UNC5D: variants seen among roughly 807,000 people sequenced by gnomAD.
The protein encoded by UNC5D is netrin receptor UNC5D.
A neutral mutation model predicts 105.4 loss-of-function variants in UNC5D; 39 were observed. The observed-to-expected ratio is 0.37, with a 90% CI of 0.29 to 0.48. The LOEUF (loss-of-function observed/expected upper bound fraction) is 0.48, where lower values mean the gene tolerates loss of function less well. UNC5D is among the 20% of genes least tolerant of loss of function. The pLI, the probability that UNC5D is intolerant of heterozygous loss-of-function variation, is 0.98. For missense variants in UNC5D, 991 were observed against 1,202.4 expected, an observed-to-expected ratio of 0.82 and a Z score of 2.60; for synonymous variants, 452 against 450.4, an observed-to-expected ratio of 1.00 and a Z score of -0.04.
chr8:35,308,698 C>T (rs1585550932), intron 1 of UNC5D, among the ~76,000 whole-genome samples: 2 of 152,074 alleles, frequency 1.3e-5, no homozygotes, highest in South Asian at 2.1e-4. Context: ...ACTAGAATTA[C>T]AAACACAGCC....
chr8:35,608,166 G>A (rs2130964237), intron 4 of UNC5D, among the ~76,000 whole-genome samples: 1 of 152,214 alleles, frequency 6.6e-6, no homozygotes, highest in East Asian at 1.9e-4. Flanking sequence ...TCTACCTCTG[G>A]CATCATATCA....
chr8:35,682,564 A>G (rs1314330094), intron 4 of UNC5D, among the ~76,000 whole-genome samples: 1 of 152,212 alleles, frequency 6.6e-6, no homozygotes, highest in Non-Finnish European at 1.5e-5. Flanking sequence ...AAGAGGCACT[A>G]GAGAGTAGAG....
At chr8:35,782,792 C>T (rs1319679412) in intron 16 of UNC5D, among the ~76,000 whole-genome samples, 3 of 151,994 alleles carry the variant, frequency 2.0e-5, no homozygotes, top group African/African-American at 7.2e-5. Flanking sequence ...CGTGAGCCAC[C>T]GCACCTGGCC....
At chr8:35,525,844 A>G in intron 1 of UNC5D, 3 of 1,332,434 alleles carry the variant, frequency 2.3e-6, no homozygotes, top group Non-Finnish European at 3.0e-6. Context: ...CTTCAAAGGC[A>G]TTTAGTCATA....
chr8:35,436,968 T>G (rs1339026281), intron 1 of UNC5D, among the ~76,000 whole-genome samples: 1 of 152,052 alleles, frequency 6.6e-6, no homozygotes, highest in Non-Finnish European at 1.5e-5. Flanking sequence ...TTCAATTTAT[T>G]ACTGTCATTT....
rs1811345207 is a variant in UNC5D at position 35,493,434 on chromosome 8, A to AAATGTTG, written c.104-55857_104-55851dup. 2.0e-5 allele frequency among the ~76,000 whole-genome samples: 3 copies of AAATGTTG among 152,252 alleles called. No homozygotes were observed. The East Asian group carries it at 5.8e-4, about 29-fold the overall frequency. ...AAGTATCTGGGTTGTGTGTGTTATG[A>AAATGTTG]AATGTTGTGTCAAAGTGGGTCTGGA... On this transcript the variant is annotated intron_variant, in intron 1 of 16. Coordinates refer to ENST00000404895, the MANE Select transcript of UNC5D (RefSeq NM_080872.4).
chr8:35,380,088 G>GGA (rs1491287547), intron 1 of UNC5D, among the ~76,000 whole-genome samples: 12 of 2,728 alleles, frequency 4.4e-3, no homozygotes, highest in Non-Finnish European at 0.02. Flanking sequence ...AATTGGGGGT[G>GGA]GGGGGGGGGT....
At chr8:35,691,376 A>C (rs1174242065) in intron 7 of UNC5D, among the ~76,000 whole-genome samples, 2 of 152,108 alleles carry the variant, frequency 1.3e-5, no homozygotes, top group East Asian at 3.9e-4. Flanking sequence ...AGTCCCAGCT[A>C]TTTGGGAGGC....
intron 4 of UNC5D, among the ~76,000 whole-genome samples, chr8:35,602,954 A>G (rs982861897): frequency 2.2e-5 from 3 of 139,400 alleles, no homozygotes; most frequent in Non-Finnish European, 3.0e-5. Context: ...GTTCCCATCT[A>G]TGAGTGAGAA....
intron 4 of UNC5D, among the ~76,000 whole-genome samples, chr8:35,630,757 T>A (rs1439111405): frequency 6.6e-6 from 1 of 152,196 alleles, no homozygotes; most frequent in Non-Finnish European, 1.5e-5. Context: ...GTTACAATGC[T>A]ACCAAAGTTA....
At chr8:35,392,702 C>G (rs1803852912) in intron 1 of UNC5D, among the ~76,000 whole-genome samples, 1 of 152,170 alleles carries the variant, frequency 6.6e-6, no homozygotes, top group African/African-American at 2.4e-5. Flanking sequence ...GTAATACTCA[C>G]AGGTTCTAGG....
intron 1 of UNC5D, chr8:35,544,534 AG>A: frequency 6.2e-7 from 1 of 1,608,808 alleles, no homozygotes; most frequent in Non-Finnish European, 8.5e-7. Context: ...AAACTTCACC[AG>A]GTAAGGCAGG....
chr8:35,341,739 T>C (rs1811469130), intron 1 of UNC5D, among the ~76,000 whole-genome samples: 1 of 152,102 alleles, frequency 6.6e-6, no homozygotes, highest in Admixed American at 6.6e-5. Context: ...ACATATTTTA[T>C]GCCAATGGAA....
chr8:35,782,301 T>G (rs965057479), intron 16 of UNC5D, among the ~76,000 whole-genome samples: 1 of 152,156 alleles, frequency 6.6e-6, no homozygotes. Context: ...TATGGAGGGT[T>G]GGTTTTGGTC....
rs10715369 is a variant in UNC5D at position 35,365,591 on chromosome 8, C to CAAAAAAAAAAAAAAAAAAAAAAAAAAAAA, written c.103+129730_103+129731insAAAAAAAAAAAAAAAAAAAAAAAAAAAAA. ...TCTTAGGCTTTCATGCCATCCCCTG[C>CAAAAAAAAAAAAAAAAAAAAAAAAAAAAA]AAAAAAAAAAAAAAAAAAAAAAAAA... On this transcript the variant is annotated intron_variant, in intron 1 of 16. Coordinates refer to ENST00000404895, the MANE Select transcript of UNC5D (RefSeq NM_080872.4). 3.0e-4 allele frequency among the ~76,000 whole-genome samples: 15 copies of CAAAAAAAAAAAAAAAAAAAAAAAAAAAAA among 49,882 alleles called. 1 individual carries two copies. Among genetic ancestry groups the CAAAAAAAAAAAAAAAAAAAAAAAAAAAAA allele is most frequent in the Non-Finnish European group, 3.4e-4 (10 of 29,114 alleles). 32.7% of individuals were successfully genotyped at this position (49,882 alleles called of 152,430 possible). A position where few individuals can be genotyped will look rare whatever the true frequency, so the allele number is the denominator to read the frequency against.
chr8:35,361,061 A>C (rs1430162183), intron 1 of UNC5D, among the ~76,000 whole-genome samples: 1 of 152,118 alleles, frequency 6.6e-6, no homozygotes, highest in Non-Finnish European at 1.5e-5. Flanking sequence ...GGATGCCAAA[A>C]TGTCTGAAAA....
At chr8:35,587,965 AAT>A (rs57681405) in intron 3 of UNC5D, among the ~76,000 whole-genome samples, 13,650 of 104,988 alleles carry the variant, frequency 0.13, 1,226 homozygotes, top group African/African-American at 0.15. Flanking sequence ...TAACTATAAT[AAT>A]ATATATATAT....
chr8:35,298,508 T>C (rs1204070163), intron 1 of UNC5D, among the ~76,000 whole-genome samples: 1 of 152,006 alleles, frequency 6.6e-6, no homozygotes, highest in Non-Finnish European at 1.5e-5. Context: ...TGTCTCAGTA[T>C]ATTGTACTGT....
intron 1 of UNC5D, among the ~76,000 whole-genome samples, chr8:35,339,570 A>G (rs2128900657): frequency 6.6e-6 from 1 of 152,358 alleles, no homozygotes; most frequent in Admixed American, 6.5e-5. Context: ...AGAGGCGTGG[A>G]AACACGGATG....
Sources: allele counts gnomAD v4.1 joint callset (sites outside exome capture counted in the v4.1 genomes callset), GRCh38; gene constraint gnomAD v4.1.1; transcripts MANE v1.5; gene names NCBI Gene and HGNC (gene_info 2026-07-23, HGNC 2026-07-21).